Variants in TEX15 observed in about 807,000 individuals in gnomAD.
The protein encoded by TEX15 is testis expressed 15, meiosis and synapsis associated, also known as testis-expressed protein 15.
In TEX15, 171 loss-of-function variants were observed where a neutral mutation model predicts 237.3. The observed-to-expected ratio is 0.72, with a 90% CI of 0.64 to 0.82. The LOEUF is 0.82. Among genes scored for constraint, TEX15 ranks in the 40% least tolerant of loss-of-function variants. The pLI is 0.00. For missense variants in TEX15, 3,750 were observed against 3,646.5 expected, an observed-to-expected ratio of 1.03 and a Z score of -0.73; for synonymous variants, 1,338 against 1,269.8, an observed-to-expected ratio of 1.05 and a Z score of -1.14.
chr8:30,912,404 G>T (rs1439418659), intron 1 of TEX15, among the ~76,000 whole-genome samples: 1 of 143,480 alleles, frequency 7.0e-6, no homozygotes. Flanking sequence ...TGCGCAACGC[G>T]GCTGCTCCGC....
intron 1 of TEX15, 49 bp from the exon 2 acceptor site, chr8:30,898,866 A>G (rs946399964): frequency 6.6e-6 from 1 of 152,158 alleles, no homozygotes; most frequent in African/African-American, 2.4e-5. Context: ...TATGATCAGA[A>G]GCTCCCCCAG....
At position 30,888,908 on chromosome 8, in the gene TEX15, T is replaced by A. The variant is rs543133517; in HGVS notation, c.-9-1597A>T. Among the ~76,000 whole-genome samples, 10 of 152,290 alleles carry A rather than the reference T, an allele frequency of 6.6e-5. No homozygotes were observed. The South Asian group carries it at 2.1e-3, about 32-fold the overall frequency. ...CAGCCCTTCTTCCATTCAGCCACAA[T>A]GACAGACAATAGTGGGGTACTGCTT... On this transcript the variant is annotated intron_variant, in intron 2 of 10. Coordinates refer to ENST00000643185, the MANE Select transcript of TEX15 (RefSeq NM_001350162.2).
rs1350381080 is a variant in TEX15, at chr8:30,875,028, C to G, written c.211G>C (p.Asp71His). 5.1e-6 allele frequency: 7 copies of G among 1,375,808 alleles called. No individual in the cohort carries two copies. Among genetic ancestry groups the G allele is most frequent in the Non-Finnish European group, 6.6e-6 (7 of 1,062,160 alleles). 85.2% of individuals were successfully genotyped at this position (1,375,808 alleles called of 1,614,324 possible). A position where few individuals can be genotyped will look rare whatever the true frequency, so the allele number is the denominator to read the frequency against. ...AACGACTGCAGATCACAGTTTACAT[C>G]AAGCCTGCACTGGTTAAGAGTATCA... ...IHDTLNQCRL[D>H]VNCDLQSLWQ... The change falls in exon 4 of 11, where the codon GAT becomes CAT. Residue 71 changes from aspartate (D) to histidine (H), a missense_variant. Transcript: ENST00000643185.
intron 1 of TEX15, among the ~76,000 whole-genome samples, chr8:30,904,676 T>C (rs946285964): frequency 6.6e-6 from 1 of 152,216 alleles, no homozygotes; most frequent in East Asian, 1.9e-4. Context: ...TCTCTTTCAA[T>C]GTCAATGAGG....
intron 1 of TEX15, among the ~76,000 whole-genome samples, chr8:30,901,872 G>A (rs942378735): frequency 2.0e-5 from 3 of 152,170 alleles, no homozygotes; most frequent in Admixed American, 2.0e-4. Flanking sequence ...TTTGTCACCT[G>A]GACATGTCCT....
rs753270865 is a variant in TEX15, at chr8:30,847,897, T to C, written c.2270A>G (p.Tyr757Cys). 4 of 1,613,842 alleles carry C rather than the reference T, an allele frequency of 2.5e-6. No individual in the cohort carries two copies. Among genetic ancestry groups the C allele is most frequent in the Non-Finnish European group, 3.4e-6 (4 of 1,179,956 alleles). The change falls in exon 8 of 11, where the codon TAT becomes TGT. Residue 757 changes from tyrosine (Y) to cysteine (C), a missense_variant. Tyr to Cys is a radical substitution (Grantham distance 194, BLOSUM62 -2). Coordinates refer to ENST00000643185, the MANE Select transcript of TEX15 (RefSeq NM_001350162.2). Reference sequence around the variant, plus strand: ...GAAAGCTTCAGTTATAATGCTAGCATAATTTTGATTTATTTTCCCCAATTT... The same window carrying C: ...GAAAGCTTCAGTTATAATGCTAGCACAATTTTGATTTATTTTCCCCAATTT... ...ELKLGKINQN[Y>C]ASIITEAFPK...
In TEX15 at chr8:30,858,809, C is replaced by G. The variant is rs1807972029; in HGVS notation, c.709G>C (p.Val237Leu). 1.2e-5 allele frequency: 18 copies of G among 1,533,788 alleles called. No individual in the cohort carries two copies. Among genetic ancestry groups the G allele is most frequent in the Non-Finnish European group, 1.3e-5 (15 of 1,146,030 alleles). The part of the protein sequence containing the change: ...SSAVYFYEYS[V>L]LSKPVDKPRQ... ...GGTTTATCTACAGGCTTTGAAAGGA[C>G]ACTGTATTCATAGAAGTACACCTGA... Residue 237 changes from valine (V) to leucine (L), a missense_variant, in exon 7 of 11, where the codon GTC (valine) becomes CTC (leucine). Val to Leu is a conservative substitution (Grantham distance 32). Transcript: ENST00000643185.
chr8:30,864,797 C>T (rs1342309393), intron 5 of TEX15, among the ~76,000 whole-genome samples: 1 of 151,824 alleles, frequency 6.6e-6, no homozygotes, highest in African/African-American at 2.4e-5. Context: ...TTTTAAGAGA[C>T]AAGCAATATA....
rs1374231003 is a variant in TEX15, at chr8:30,837,602, G to C, written c.8682C>G (p.Leu2894=). Residue 2894 remains leucine, a synonymous_variant, in exon 10 of 11, where the codon CTC becomes CTG. Transcript: ENST00000643185. ...TCACAAAACAGAAAATTGGCTTTGA[G>C]AGCACCGACGCATCAGGCACAAGAG... ...DVSLVPDASV[L]SKPIFCFVKD... 7 of 1,614,080 alleles carry C rather than the reference G, an allele frequency of 4.3e-6. No individual in the cohort carries two copies. Among genetic ancestry groups the C allele is most frequent in the Non-Finnish European group, 5.9e-6 (7 of 1,179,968 alleles).
Position 30,844,898 on chromosome 8 carries a change from A to G in TEX15, c.5269T>C (p.Cys1757Arg). Residue 1757 changes from cysteine to arginine, a missense_variant, in exon 8 of 11, where the codon TGT becomes CGT. Cys to Arg is a radical substitution (Grantham distance 180). Transcript: ENST00000643185. ...TCTTTTTCTCTACAGCTCTGCTCAC[A>G]GTGTGGTACAGTACTGGATGCTGCA... ...SFAASSTVPH[C>R]EQSCREKELL... The G allele has an allele frequency of 6.2e-7, 1 of 1,613,464 alleles. No individual in the cohort carries two copies. The highest frequency in any genetic ancestry group is 8.5e-7 in the Non-Finnish European group (1 of 1,179,558).
intron 2 of TEX15, among the ~76,000 whole-genome samples, chr8:30,898,115 C>A (rs760472489): frequency 6.6e-6 from 1 of 152,122 alleles, no homozygotes. Context: ...CAATTATGTA[C>A]GGGACAATAT....
At chr8:30,863,112 G>C (rs992174640) in intron 5 of TEX15, among the ~76,000 whole-genome samples, 1 of 152,078 alleles carries the variant, frequency 6.6e-6, no homozygotes, top group African/African-American at 2.4e-5. Flanking sequence ...TATCCAAAAT[G>C]CTTAAAACCA....
Position 30,837,446 on chromosome 8 carries a change from A to C in TEX15, c.8838T>G (p.Ile2946Met), listed in dbSNP as rs145215857. 2,565 of 1,614,096 alleles carry C rather than the reference A, an allele frequency of 1.6e-3. 18 individuals are homozygous for C. In the Admixed American group the frequency reaches 0.017, roughly 11 times the overall value. Residue 2946 changes from isoleucine (I) to methionine (M), a missense_variant, in exon 10 of 11, where the codon ATT (isoleucine) becomes ATG (methionine). Physicochemically the swap from Ile to Met is conservative, Grantham distance 10. Coordinates refer to ENST00000643185, the MANE Select transcript of TEX15 (RefSeq NM_001350162.2). The part of the protein sequence containing the change: ...SPEPICIQNK[I>M]PTLQINKLQP... ...GTAGTTTGTTTATCTGCAGAGTAGG[A>C]ATTTTGTTCTGGATACAGATGGGTT...
chr8:30,854,259 C>T (rs995618070), intron 7 of TEX15, among the ~76,000 whole-genome samples: 27 of 64,990 alleles, frequency 4.2e-4, no homozygotes, highest in African/African-American at 1.3e-3. Flanking sequence ...CCTGACTGAC[C>T]AAAAAAAAAA....
intron 3 of TEX15, among the ~76,000 whole-genome samples, chr8:30,884,122 CCA>C (rs1468067688): frequency 1.3e-5 from 2 of 152,206 alleles, no homozygotes; most frequent in Non-Finnish European, 2.9e-5. Context: ...AGGGCATGAG[CCA>C]CAGTGCCCAA....
intron 2 of TEX15, chr8:30,888,756 C>T: frequency 1.5e-5 from 13 of 887,496 alleles, no homozygotes; most frequent in Non-Finnish European, 2.1e-5. Flanking sequence ...GGATAAGGTT[C>T]TAAGAAGGTT....
chr8:30,845,791 C>A lies in TEX15; in HGVS notation c.4376G>T (p.Arg1459Ile). 6.2e-7 allele frequency: 1 copy of A among 1,610,306 alleles called. No individual in the cohort carries two copies. Among genetic ancestry groups the A allele is most frequent in the Non-Finnish European group, 8.5e-7 (1 of 1,178,932 alleles). The change falls in exon 8 of 11, where the codon AGA becomes ATA. Residue 1459 changes from arginine (R) to isoleucine (I), a missense_variant. By Grantham distance (97) the Arg-to-Ile change is moderately conservative. Transcript: ENST00000643185. ...TTTAGAAATATCAGCTTTTGGAGCT[C>A]TTTTCTTTCTCCGTTTGTCATATTT... ...KRKYDKRRKK[R>I]APKADISKSL...
intron 2 of TEX15, chr8:30,888,672 A>T: frequency 7.8e-7 from 1 of 1,288,266 alleles, no homozygotes; most frequent in Non-Finnish European, 1.0e-6. Flanking sequence ...CCTGACACCT[A>T]TCAACTGCTT....
chr8:30,887,377 A>T lies in TEX15; in HGVS notation c.-9-66T>A, dbSNP rs1808675425. On this transcript the variant is annotated intron_variant, in intron 2 of 10. Transcript: ENST00000643185. ...ATACATAAAAGGCAATGGCAGTACAATCATTTAAAAGTTCTTCAACAAAAG... is the reference window on the plus strand; with the variant it reads ...ATACATAAAAGGCAATGGCAGTACATTCATTTAAAAGTTCTTCAACAAAAG... 2.3e-6 allele frequency: 3 copies of T among 1,304,954 alleles called. No individual in the cohort carries two copies. The Admixed American group carries it at 1.0e-4, about 43-fold the overall frequency. The allele number at this position is 1,304,954 out of a possible 1,614,324, so 80.8% of individuals were successfully genotyped here.
Sources: allele counts gnomAD v4.1 joint callset (sites outside exome capture counted in the v4.1 genomes callset), GRCh38; gene constraint gnomAD v4.1.1; transcripts MANE v1.5; gene names NCBI Gene and HGNC (gene_info 2026-07-23, HGNC 2026-07-21).